The following SAMD12 variants were observed in gnomAD, a reference collection of about 807,000 sequenced individuals.
SAMD12 encodes sterile alpha motif domain containing 12, also known as sterile alpha motif domain-containing protein 12.
A neutral mutation model predicts 15.0 loss-of-function variants in SAMD12; 9 were observed. The ratio of observed to expected loss-of-function variants is 0.60; its 90% CI spans 0.36 to 1.05. SAMD12 has a LOEUF of 1.05. Ranked by LOEUF, SAMD12 falls within the 50% of genes least tolerant of loss-of-function variation. The pLI is 0.01. For missense variants in SAMD12, 230 were observed against 234.2 expected (o/e 0.98, Z 0.12); for synonymous variants, 86 against 90.1 (o/e 0.96, Z 0.25).
chr8:118,230,751 TA>T (rs1249240825), intron 4 of SAMD12, among the ~76,000 whole-genome samples: 1 of 151,712 alleles, frequency 6.6e-6, no homozygotes, highest in African/African-American at 2.4e-5. Flanking sequence ...GGAGTGCAAA[TA>T]AACTTGAGGT....
chr8:118,188,236 G>T (rs1819277611), downstream of SAMD12, among the ~76,000 whole-genome samples: 1 of 151,928 alleles, frequency 6.6e-6, no homozygotes, highest in Admixed American at 6.6e-5. Context: ...AGGAAGAGAA[G>T]AAATAGTTAG....
intron 4 of SAMD12, among the ~76,000 whole-genome samples, chr8:118,277,981 T>G (rs914786774): frequency 6.6e-6 from 1 of 152,182 alleles, no homozygotes; most frequent in African/African-American, 2.4e-5. Context: ...TTCTGCTAAT[T>G]GGTAGCACAC....
chr8:118,296,542 T>C (rs554543786), intron 4 of SAMD12, among the ~76,000 whole-genome samples: 95 of 152,344 alleles, frequency 6.2e-4, no homozygotes, highest in Middle Eastern at 3.4e-3. Context: ...AGGCACAGCC[T>C]GCATGTGTTA....
intron 1 of SAMD12, among the ~76,000 whole-genome samples, chr8:118,596,153 A>T (rs1219290684): frequency 6.6e-6 from 1 of 152,246 alleles, no homozygotes; most frequent in Non-Finnish European, 1.5e-5. Context: ...TTTACACAGC[A>T]GGCCCCAGCC....
intron 4 of SAMD12, among the ~76,000 whole-genome samples, chr8:118,352,897 C>A (rs976714976): frequency 1.3e-5 from 2 of 151,992 alleles, no homozygotes; most frequent in Non-Finnish European, 2.9e-5. Context: ...CCTCTCTCTA[C>A]TCAATATAGC....
At chr8:118,569,011 C>G (rs1826932031) in intron 2 of SAMD12, among the ~76,000 whole-genome samples, 1 of 152,096 alleles carries the variant, frequency 6.6e-6, no homozygotes, top group African/African-American at 2.4e-5. Flanking sequence ...CAGATTTATT[C>G]TTGTATACTA....
intron 3 of SAMD12, among the ~76,000 whole-genome samples, chr8:118,420,635 C>A (rs940128156): frequency 3.3e-5 from 5 of 151,968 alleles, no homozygotes; most frequent in Non-Finnish European, 7.4e-5. Context: ...GGATAGATGT[C>A]AAAATGTTTA....
chr8:118,477,463 T>A (rs1233352918), intron 2 of SAMD12, among the ~76,000 whole-genome samples: 1 of 152,196 alleles, frequency 6.6e-6, no homozygotes, highest in African/African-American at 2.4e-5. Flanking sequence ...CATAATTAGC[T>A]GAAGATAAAA....
chr8:118,554,049 A>T (rs910025088), intron 2 of SAMD12, among the ~76,000 whole-genome samples: 1 of 152,042 alleles, frequency 6.6e-6, no homozygotes, highest in African/African-American at 2.4e-5. Flanking sequence ...GCTGGAGCGG[A>T]TGTGGAGAAA....
chr8:118,222,221 G>GT (rs1457089727), intron 4 of SAMD12, among the ~76,000 whole-genome samples: 2 of 152,040 alleles, frequency 1.3e-5, no homozygotes, highest in Non-Finnish European at 2.9e-5. Context: ...GGAGGACTGG[G>GT]TTTTTTTCAA....
intron 4 of SAMD12, among the ~76,000 whole-genome samples, chr8:118,330,691 G>A (rs1816768078): frequency 6.6e-6 from 1 of 152,130 alleles, no homozygotes; most frequent in Non-Finnish European, 1.5e-5. Flanking sequence ...AGGAATATAA[G>A]TAAGCAAATA....
At chr8:118,284,717 CA>C in intron 4 of SAMD12, 1 of 171,270 alleles carries the variant, frequency 5.8e-6, no homozygotes, top group South Asian at 1.3e-4. Context: ...CCAAGGCGGG[CA>C]GATCACGAGG....
intron 2 of SAMD12, among the ~76,000 whole-genome samples, chr8:118,474,553 T>C (rs1269479078): frequency 6.6e-6 from 1 of 151,568 alleles, no homozygotes; most frequent in Non-Finnish European, 1.5e-5. Context: ...GCTATTTTTT[T>C]TTTTTGTATT....
chr8:118,212,103 T>C (rs1811845209), intron 4 of SAMD12, among the ~76,000 whole-genome samples: 2 of 147,386 alleles, frequency 1.4e-5, no homozygotes, highest in African/African-American at 4.9e-5. Context: ...CTACTATATT[T>C]CATTAAATCC....
chr8:118,520,424 C>T (rs1391209817), intron 2 of SAMD12, among the ~76,000 whole-genome samples: 1 of 152,140 alleles, frequency 6.6e-6, no homozygotes, highest in Non-Finnish European at 1.5e-5. Flanking sequence ...GGGGAAAAAT[C>T]ACTTTCTCAG....
chr8:118,384,694 G>A (rs1819854292), intron 3 of SAMD12, among the ~76,000 whole-genome samples: 1 of 152,154 alleles, frequency 6.6e-6, no homozygotes, highest in Non-Finnish European at 1.5e-5. Context: ...TTTTTCTTTA[G>A]AGAGCACTTG....
At chr8:118,344,522 G>GCTA (rs1817534132) in intron 4 of SAMD12, among the ~76,000 whole-genome samples, 5 of 152,170 alleles carry the variant, frequency 3.3e-5, no homozygotes, top group African/African-American at 1.2e-4. Context: ...CTGCAGAAGT[G>GCTA]GGATATGAAC....
At chr8:118,356,935 C>T (rs1818256410) in intron 4 of SAMD12, among the ~76,000 whole-genome samples, 1 of 152,178 alleles carries the variant, frequency 6.6e-6, no homozygotes, top group Admixed American at 6.5e-5. Flanking sequence ...CAGATCCACC[C>T]CCATTCGCTC....
At chr8:118,228,111 T>C (rs1812224868) in intron 4 of SAMD12, among the ~76,000 whole-genome samples, 1 of 152,192 alleles carries the variant, frequency 6.6e-6, no homozygotes, top group African/African-American at 2.4e-5. Flanking sequence ...GATCCTCATC[T>C]CTCACCTTAT....
Sources: allele counts gnomAD v4.1 joint callset (sites outside exome capture counted in the v4.1 genomes callset), GRCh38; gene constraint gnomAD v4.1.1; transcripts MANE v1.5; gene names NCBI Gene and HGNC (gene_info 2026-07-23, HGNC 2026-07-21).